Variants in PTPRG observed in about 807,000 individuals in gnomAD.
PTPRG encodes the protein receptor-type tyrosine-protein phosphatase gamma.
Under a neutral mutation model 165.3 loss-of-function variants are expected in PTPRG, and 102 were observed. The observed-to-expected ratio is 0.62, with a 90% CI of 0.53 to 0.73. The LOEUF is 0.73. PTPRG is among the 30% of genes least tolerant of loss of function. PTPRG has a pLI of 0.00. For missense variants in PTPRG, 1,866 were observed against 1,861.4 expected (o/e 1.00, Z -0.05); for synonymous variants, 675 against 669.5 (o/e 1.01, Z -0.13).
intron 2 of PTPRG, among the ~76,000 whole-genome samples, chr3:61,763,775 C>G (rs1218106530): frequency 1.3e-5 from 2 of 152,092 alleles, no homozygotes; most frequent in African/African-American, 4.8e-5. Context: ...ATTTCAAAAG[C>G]CTGACATCAC....
intron 4 of PTPRG, among the ~76,000 whole-genome samples, chr3:62,019,295 G>A (rs1348045888): frequency 6.6e-6 from 1 of 152,114 alleles, no homozygotes; most frequent in Non-Finnish European, 1.5e-5. Context: ...GCCAAGGTGG[G>A]TGGATTGCTT....
At chr3:61,840,079 T>A (rs761569790) in intron 2 of PTPRG, among the ~76,000 whole-genome samples, 15 of 152,234 alleles carry the variant, frequency 9.9e-5, no homozygotes, top group Non-Finnish European at 2.1e-4. Flanking sequence ...TGCACATATA[T>A]ATTTAGATGT....
At chr3:61,621,664 T>C (rs374714625) in intron 1 of PTPRG, among the ~76,000 whole-genome samples, 10 of 152,326 alleles carry the variant, frequency 6.6e-5, no homozygotes, top group African/African-American at 2.4e-4. Context: ...ATATTTATCC[T>C]CTCAGGTCAG....
At chr3:62,196,209 TG>T (rs1312640860) in intron 10 of PTPRG, among the ~76,000 whole-genome samples, 9 of 148,888 alleles carry the variant, frequency 6.0e-5, no homozygotes, top group African/African-American at 2.0e-4. Flanking sequence ...CTGGCCAACA[TG>T]GTGAAACCCC....
chr3:62,181,411 CT>C lies in PTPRG; in HGVS notation c.1034-10049del, dbSNP rs200690359. Among the ~76,000 whole-genome samples, 222 of 151,748 alleles carry C rather than the reference CT, an allele frequency of 1.5e-3. 1 individual carries two copies. Among genetic ancestry groups the C allele is most frequent in the African/African-American group, 5.1e-3 (210 of 41,372 alleles). ...TCTCATCACAGGGCCTTTGTACACA[CT>C]TTTTTTTTCTGTCTGACATACCCAA... On this transcript the variant is annotated intron_variant, in intron 8 of 29. Coordinates refer to ENST00000474889, the MANE Select transcript of PTPRG (RefSeq NM_002841.4).
chr3:61,695,794 A>G (rs2030539945), intron 1 of PTPRG, among the ~76,000 whole-genome samples: 1 of 152,206 alleles, frequency 6.6e-6, no homozygotes, highest in Non-Finnish European at 1.5e-5. Flanking sequence ...GTTTTTGCCA[A>G]GTGAACAATA....
intron 5 of PTPRG, among the ~76,000 whole-genome samples, chr3:62,112,712 G>C (rs1385857705): frequency 6.6e-6 from 1 of 152,154 alleles, no homozygotes; most frequent in African/African-American, 2.4e-5. Context: ...AGGTTCTGTT[G>C]GTGAAATGAA....
intron 1 of PTPRG, among the ~76,000 whole-genome samples, chr3:61,688,075 G>T (rs1280522672): frequency 6.6e-6 from 1 of 152,164 alleles, no homozygotes; most frequent in Admixed American, 6.5e-5. Context: ...CCTGAGTGTG[G>T]CTGACATCAC....
intron 5 of PTPRG, among the ~76,000 whole-genome samples, chr3:62,114,118 G>C (rs1702771881): frequency 1.3e-5 from 2 of 152,132 alleles, no homozygotes; most frequent in South Asian, 2.1e-4. Context: ...GGCCAACATG[G>C]TGAAACCCCA....
chr3:61,957,496 A>G (rs760187931), intron 2 of PTPRG, among the ~76,000 whole-genome samples: 1 of 152,242 alleles, frequency 6.6e-6, no homozygotes, highest in Non-Finnish European at 1.5e-5. Flanking sequence ...TGGATGCAGC[A>G]TTTTTATGGA....
In PTPRG at chr3:61,561,899, C is replaced by T. The variant is rs542943692; in HGVS notation, c.-389C>T. 40 of 157,926 alleles carry T rather than the reference C, an allele frequency of 2.5e-4. No individual in the cohort carries two copies. In the East Asian group the frequency reaches 6.0e-3, roughly 24 times the overall value. 9.8% of individuals were successfully genotyped at this position (157,926 alleles called of 1,614,324 possible). A position where few individuals can be genotyped will look rare whatever the true frequency, so the allele number is the denominator to read the frequency against. ...GCCGCCCGCCGGCTCTCGGGCTGTG[C>T]TGCGCTGCCGACTCAAGTTGGGGAT... On this transcript the variant is annotated 5_prime_UTR_variant, in exon 1 of 30. Coordinates refer to ENST00000474889, the MANE Select transcript of PTPRG (RefSeq NM_002841.4).
chr3:62,056,562 G>A (rs1052096664), intron 4 of PTPRG, among the ~76,000 whole-genome samples: 6 of 152,112 alleles, frequency 3.9e-5, no homozygotes, highest in Non-Finnish European at 5.9e-5. Context: ...TCAGCATTTT[G>A]GGCTTAATAA....
At chr3:61,944,256 A>G (rs1237360786) in intron 2 of PTPRG, among the ~76,000 whole-genome samples, 1 of 152,052 alleles carries the variant, frequency 6.6e-6, no homozygotes, top group African/African-American at 2.4e-5. Context: ...GGTGTGCAGA[A>G]CCACCCTGGC....
At chr3:61,874,374 G>A (rs903028299) in intron 2 of PTPRG, among the ~76,000 whole-genome samples, 1 of 152,176 alleles carries the variant, frequency 6.6e-6, no homozygotes, top group African/African-American at 2.4e-5. Context: ...TGTCTTTTCA[G>A]TGGAGATGAT....
At chr3:61,901,601 C>A (rs1246544648) in intron 2 of PTPRG, among the ~76,000 whole-genome samples, 2 of 152,174 alleles carry the variant, frequency 1.3e-5, no homozygotes, top group Non-Finnish European at 2.9e-5. Context: ...TCCCTCAGTC[C>A]ACAGAGAAGT....
chr3:62,273,628 G>A lies in PTPRG; in HGVS notation c.3319-70G>A. The A allele has an allele frequency of 1.3e-6, 2 of 1,493,672 alleles. No individual in the cohort carries two copies. The highest frequency in any genetic ancestry group is 1.9e-6 in the Non-Finnish European group (2 of 1,078,204). 92.5% of individuals were successfully genotyped at this position (1,493,672 alleles called of 1,614,324 possible). A position where few individuals can be genotyped will look rare whatever the true frequency, so the allele number is the denominator to read the frequency against. On this transcript the variant is annotated intron_variant, in intron 22 of 29. Coordinates refer to ENST00000474889, the MANE Select transcript of PTPRG (RefSeq NM_002841.4). The surrounding 1 kb of genome is among the most constrained non-coding windows in gnomAD (Gnocchi z 4.1). The stretch of plus-strand genomic sequence containing the variant: ...CCTGTTAGCAGCAGAATTAAACTAA[G>A]GTACACTTCATGAATGAGTGGCTAA...
chr3:62,104,217 G>T (rs1225314421), intron 5 of PTPRG, among the ~76,000 whole-genome samples: 1 of 152,086 alleles, frequency 6.6e-6, no homozygotes, highest in African/African-American at 2.4e-5. Flanking sequence ...CACTATTATG[G>T]TACTATTTTA....
rs562012683 is a variant in PTPRG at position 62,078,957 on chromosome 3, G to A, written c.615+699G>A. 3.3e-5 allele frequency among the ~76,000 whole-genome samples: 5 copies of A among 152,322 alleles called. No individual in the cohort carries two copies. The East Asian group carries it at 9.6e-4, about 29-fold the overall frequency. On this transcript the variant is annotated intron_variant, in intron 5 of 29. Coordinates refer to ENST00000474889, the MANE Select transcript of PTPRG (RefSeq NM_002841.4). ...ACCTTGGTGCTTTTTAGTGTGTAAG[G>A]TAGTCTGAGTAGTAGGCATCTGTGG... is the stretch of plus-strand genomic sequence containing the variant.
chr3:61,912,945 C>T (rs1239678721), intron 2 of PTPRG, among the ~76,000 whole-genome samples: 1 of 151,974 alleles, frequency 6.6e-6, no homozygotes, highest in Non-Finnish European at 1.5e-5. Context: ...CTGAAAATAA[C>T]ATGAACAGGT....
Sources: gnomAD v4.1 joint callset for allele counts (sites outside exome capture counted in the v4.1 genomes callset) on GRCh38, gnomAD v4.1.1 for gene constraint, Gnocchi (gnomAD v3.1) non-coding constraint, MANE v1.5 for transcripts, NCBI Gene and HGNC (gene_info 2026-07-23, HGNC 2026-07-21) for gene names.